DNAH5: variants seen among roughly 807,000 people sequenced by gnomAD.
The protein encoded by DNAH5 is dynein axonemal heavy chain 5.
Under a neutral mutation model 518.2 loss-of-function variants are expected in DNAH5, and 372 were observed. The observed-to-expected ratio is 0.72, with a 90% confidence interval of 0.66 to 0.78. The LOEUF (loss-of-function observed/expected upper bound fraction) is 0.78. Among genes scored for constraint, DNAH5 ranks in the 30% least tolerant of loss-of-function variants. The pLI is 0.00. For missense variants in DNAH5, 5,523 were observed against 5,687.0 expected (o/e 0.97, Z 0.93); for synonymous variants, 2,039 against 2,025.9 (o/e 1.01, Z -0.17).
intron 22 of DNAH5, among the ~76,000 whole-genome samples, chr5:13,872,297 G>A (rs1184533433): frequency 1.3e-5 from 2 of 152,088 alleles, no homozygotes; most frequent in African/African-American, 2.4e-5. Context: ...AGAAAATAGC[G>A]AGCATCACTT....
intron 74 of DNAH5, 60 bp downstream of exon 74, chr5:13,716,427 C>A (rs1744286814): frequency 8.0e-7 from 1 of 1,244,778 alleles, no homozygotes; most frequent in Non-Finnish European, 1.2e-6. Flanking sequence ...GTAATTAATA[C>A]CCAAAACTCA....
chr5:13,810,091 TC>T lies in DNAH5; in HGVS notation c.7576del (p.Asp2526ThrfsTer45), dbSNP rs1484191790. ...LELPPPAGPG[D>X]TAFDYYVAPD... Reference sequence around the variant, plus strand: ...CGCCACATAGTAGTCGAAGGCGGTGTCCCCGGGCCCCGCTGGCGGCGGCAGC... The same window carrying T: ...CGCCACATAGTAGTCGAAGGCGGTGTCCCGGGCCCCGCTGGCGGCGGCAGC... On this transcript the variant is annotated frameshift_variant, in exon 45 of 79. Transcript: ENST00000265104. LOFTEE classifies it high-confidence loss of function. 1 of 1,552,758 alleles carries T rather than the reference TC, an allele frequency of 6.4e-7. No individual in the cohort carries two copies. The highest frequency in any genetic ancestry group is 8.7e-7 in the Non-Finnish European group (1 of 1,148,508).
intron 70 of DNAH5, among the ~76,000 whole-genome samples, chr5:13,721,934 G>A (rs558737892): frequency 2.1e-4 from 32 of 152,076 alleles, no homozygotes; most frequent in Non-Finnish European, 4.0e-4. Context: ...TTCAACAAAT[G>A]GTATTGTGAA....
chr5:13,760,834 G>A (rs9688229), intron 60 of DNAH5, among the ~76,000 whole-genome samples: 1 of 152,078 alleles, frequency 6.6e-6, no homozygotes, highest in South Asian at 2.1e-4. Flanking sequence ...AGTTAAAGTC[G>A]TAGGTCTGAA....
At chr5:13,893,149 T>C (rs1373979) in intron 16 of DNAH5, among the ~76,000 whole-genome samples, 86,020 of 151,938 alleles carry the variant, frequency 0.57, 24,622 homozygotes, top group South Asian at 0.64. Context: ...GAAAATCTAC[T>C]GATAAGACAA....
chr5:13,902,703 T>G (rs1352950047), intron 12 of DNAH5, among the ~76,000 whole-genome samples: 1 of 152,158 alleles, frequency 6.6e-6, no homozygotes, highest in African/African-American at 2.4e-5. Context: ...TGGACATAGT[T>G]TGCTGACCCC....
At chr5:13,923,990 G>A (rs1464097619) in intron 3 of DNAH5, among the ~76,000 whole-genome samples, 1 of 151,982 alleles carries the variant, frequency 6.6e-6, no homozygotes, top group African/African-American at 2.4e-5. Flanking sequence ...AGGTTGCAGT[G>A]GGCAGAGATC....
At chr5:13,782,651 G>C (rs761486878) in intron 52 of DNAH5, among the ~76,000 whole-genome samples, 1 of 152,194 alleles carries the variant, frequency 6.6e-6, no homozygotes, top group Non-Finnish European at 1.5e-5. Flanking sequence ...TTTGATGTAG[G>C]TGGATATATC....
At position 13,876,921 on chromosome 5, in the gene DNAH5, T is replaced by C. The variant is rs1770978279; in HGVS notation, c.3263-104A>G. 4 of 1,155,958 alleles carry C rather than the reference T, an allele frequency of 3.5e-6. No individual in the cohort carries two copies. The East Asian group carries it at 9.8e-5, about 28-fold the overall frequency. The allele number at this position is 1,155,958 out of a possible 1,614,324, so 71.6% of individuals were successfully genotyped here. ...ATAGTAAAGCAAGGACTTCTGAAAA[T>C]CTTCTCCTTTATAAAAACAATGAAA... is the stretch of plus-strand genomic sequence containing the variant. On this transcript the variant is annotated intron_variant, in intron 21 of 78. Coordinates refer to ENST00000265104, the MANE Select transcript of DNAH5 (RefSeq NM_001369.3).
chr5:13,911,151 A>G (rs964421327), intron 12 of DNAH5, among the ~76,000 whole-genome samples: 4 of 152,250 alleles, frequency 2.6e-5, no homozygotes, highest in Non-Finnish European at 5.9e-5. Context: ...TCAATGGAAG[A>G]CATGTGGAAG....
intron 27 of DNAH5, 40 bp from the exon 28 acceptor site, chr5:13,864,677 A>G (rs1423566157): frequency 1.2e-6 from 2 of 1,612,074 alleles, no homozygotes; most frequent in Non-Finnish European, 1.7e-6. Flanking sequence ...TTGAAATATG[A>G]TGGTAGACAT....
intron 22 of DNAH5, among the ~76,000 whole-genome samples, chr5:13,872,700 A>C (rs1373749639): frequency 1.3e-5 from 2 of 152,190 alleles, no homozygotes; most frequent in Non-Finnish European, 2.9e-5. Flanking sequence ...TGCAGAGGTC[A>C]TGTTTTCAAA....
At chr5:13,829,750 A>G (rs374074150) in intron 37 of DNAH5, 46 bp from the exon 38 acceptor site, 1 of 1,541,032 alleles carries the variant, frequency 6.5e-7, no homozygotes, top group Non-Finnish European at 9.0e-7. Flanking sequence ...AATCAAGCAC[A>G]CATCAGCATC....
chr5:13,871,715 T>C lies in DNAH5; in HGVS notation c.3447A>G (p.Gln1149=). ...TCTTAATGGCTTCTTCTTTTCCCTT[T>C]TGCCAAATGTGATTGTAGCGTTTGA... ...DCFKRYNHIW[Q]KGKEEAIKTF... Residue 1149 remains glutamine (Q), a synonymous_variant, in exon 23 of 79, where the codon CAA becomes CAG. Coordinates refer to ENST00000265104, the MANE Select transcript of DNAH5 (RefSeq NM_001369.3). 1 of 1,613,782 alleles carries C rather than the reference T, an allele frequency of 6.2e-7. No homozygotes were observed. Among genetic ancestry groups the C allele is most frequent in the South Asian group, 1.1e-5 (1 of 91,070 alleles).
chr5:13,693,549 C>T (rs1400020353), intron 78 of DNAH5, among the ~76,000 whole-genome samples: 1 of 152,142 alleles, frequency 6.6e-6, no homozygotes, highest in Non-Finnish European at 1.5e-5. Flanking sequence ...TGATTCTTAA[C>T]CAGGGACAAT....
rs141459197 is a variant in DNAH5 at position 13,830,146 on chromosome 5, C to G, written c.6129G>C (p.Ser2043=). ...TAATGGAAATTTGCTGGGCTGCAAC[C>G]GAGAGAACTGGTAGATCAATACGGT... ...EFNRIDLPVL[S]VAAQQISIIL... The change falls in exon 37 of 79, where the codon TCG becomes TCC. Residue 2043 remains serine (S), a synonymous_variant. Coordinates refer to ENST00000265104, the MANE Select transcript of DNAH5 (RefSeq NM_001369.3). 2 of 1,613,910 alleles carry G rather than the reference C, an allele frequency of 1.2e-6. No homozygotes were observed. Among genetic ancestry groups the G allele is most frequent in the Non-Finnish European group, 1.7e-6 (2 of 1,179,952 alleles).
In DNAH5 at chr5:13,737,470, A is replaced by T; in HGVS notation, c.11237T>A (p.Leu3746Gln). 1 of 1,614,046 alleles carries T rather than the reference A, an allele frequency of 6.2e-7. No individual in the cohort carries two copies. Among genetic ancestry groups the T allele is most frequent in the Non-Finnish European group, 8.5e-7 (1 of 1,179,924 alleles). The change falls in exon 66 of 79, where the codon CTG becomes CAG. Residue 3746 changes from leucine (L) to glutamine (Q), a missense_variant. Leu to Gln is a moderately radical substitution (Grantham distance 113). This residue lies in a region of DNAH5 where 5,121 missense variants were observed against 5,223.3 expected (regional missense o/e 0.98). Transcript: ENST00000265104. ...TTTGTTTGCAGTTACATCTTCCATC[A>T]GATGAGTTCTTTCTTTCTCCAATTC... The part of the protein sequence containing the change: ...KQELEKERTH[L>Q]MEDVTANKRR...
chr5:13,960,327 A>G (rs1781094810), intron 1 of DNAH5, among the ~76,000 whole-genome samples: 1 of 152,186 alleles, frequency 6.6e-6, no homozygotes, highest in Admixed American at 6.5e-5. Flanking sequence ...AGGGGTGAAC[A>G]CTAGGCACTG....
intron 75 of DNAH5, among the ~76,000 whole-genome samples, chr5:13,713,431 C>T (rs1221829501): frequency 1.5e-4 from 3 of 20,324 alleles, no homozygotes; most frequent in Admixed American, 7.3e-4. Context: ...ATATATACAT[C>T]GACATATATA....
Sources: gnomAD v4.1 joint callset for allele counts (sites outside exome capture counted in the v4.1 genomes callset) on GRCh38, gnomAD v4.1.1 for gene constraint, gnomAD v4.1.1 regional missense constraint, MANE v1.5 for transcripts, NCBI Gene and HGNC (gene_info 2026-07-23, HGNC 2026-07-21) for gene names.